The following RBFOX1 variants were observed in gnomAD, a reference collection of about 807,000 sequenced individuals.
The protein encoded by RBFOX1 is RNA binding fox-1 homolog 1, also known as RNA binding protein fox-1 homolog 1.
A neutral mutation model predicts 57.7 loss-of-function variants in RBFOX1; 8 were observed. The observed-to-expected ratio is 0.14, with a 90% CI of 0.08 to 0.25. The LOEUF is 0.25. Among genes scored for constraint, RBFOX1 ranks in the 10% least tolerant of loss-of-function variants. The pLI, the probability that RBFOX1 is intolerant of heterozygous loss-of-function variation, is 1.00. For synonymous variants in RBFOX1, 326 were observed against 222.4 expected (o/e 1.47, Z -4.15); for missense variants, 611 against 548.5 (o/e 1.11, Z -1.14).
intron 1 of RBFOX1, among the ~76,000 whole-genome samples, chr16:6,248,090 C>T (rs1407097356): frequency 2.6e-5 from 4 of 152,152 alleles, no homozygotes; most frequent in African/African-American, 7.2e-5. Context: ...TTTTAAAAGC[C>T]GTCTCTCTTT....
At chr16:7,083,945 G>C (rs938501998) in intron 4 of RBFOX1, among the ~76,000 whole-genome samples, 1 of 152,006 alleles carries the variant, frequency 6.6e-6, no homozygotes, top group Non-Finnish European at 1.5e-5. Flanking sequence ...CCATGCAGCT[G>C]TTTTTTTCCT....
At chr16:7,700,605 G>A (rs112275683) in intron 14 of RBFOX1, among the ~76,000 whole-genome samples, 172 of 152,332 alleles carry the variant, frequency 1.1e-3, no homozygotes, top group African/African-American at 4.0e-3. Context: ...TAGAGCAGGA[G>A]TAGACAAACA....
chr16:5,785,667 A>G (rs1192191294), intron 3 of RBFOX1, among the ~76,000 whole-genome samples: 2 of 152,030 alleles, frequency 1.3e-5, no homozygotes, highest in Non-Finnish European at 2.9e-5. Flanking sequence ...AGCTGGGATT[A>G]CAGGCATGCA....
intron 1 of RBFOX1, among the ~76,000 whole-genome samples, chr16:5,299,445 A>C (rs1296977797): frequency 6.6e-6 from 1 of 152,236 alleles, no homozygotes; most frequent in Admixed American, 6.5e-5. Flanking sequence ...TTTTAGGTAA[A>C]TGCTCAGGAG....
At chr16:7,271,533 G>C (rs914414607) in intron 4 of RBFOX1, among the ~76,000 whole-genome samples, 2 of 151,996 alleles carry the variant, frequency 1.3e-5, no homozygotes, top group Non-Finnish European at 2.9e-5. Flanking sequence ...TTTTTTTAAA[G>C]ATACGTGCAT....
intron 3 of RBFOX1, among the ~76,000 whole-genome samples, chr16:6,675,311 T>G (rs1463477793): frequency 6.6e-6 from 1 of 152,186 alleles, no homozygotes; most frequent in African/African-American, 2.4e-5. Context: ...GCTTTAGGTA[T>G]GCCTAAATGT....
At chr16:6,219,747 G>C (rs1487706161) in intron 1 of RBFOX1, among the ~76,000 whole-genome samples, 1 of 152,026 alleles carries the variant, frequency 6.6e-6, no homozygotes. Flanking sequence ...GTGGTGTTGG[G>C]TGCCAGTAAT....
At chr16:7,496,412 G>A (rs1483181165) in intron 4 of RBFOX1, among the ~76,000 whole-genome samples, 1 of 152,154 alleles carries the variant, frequency 6.6e-6, no homozygotes, top group Admixed American at 6.5e-5. Flanking sequence ...CAAAGTGTTG[G>A]GATTAGAGGG....
chr16:7,286,262 G>C (rs1350071087), intron 4 of RBFOX1, among the ~76,000 whole-genome samples: 1 of 151,990 alleles, frequency 6.6e-6, no homozygotes, highest in Non-Finnish European at 1.5e-5. Context: ...TATGATTTTG[G>C]TTGAAGGTGA....
chr16:6,768,697 A>G (rs766271278), intron 3 of RBFOX1, among the ~76,000 whole-genome samples: 4 of 140,800 alleles, frequency 2.8e-5, no homozygotes, highest in African/African-American at 9.1e-5. Flanking sequence ...ATATGTACCT[A>G]TATATATATA....
intron 3 of RBFOX1, among the ~76,000 whole-genome samples, chr16:6,914,352 A>G (rs961449080): frequency 3.3e-5 from 5 of 152,158 alleles, no homozygotes; most frequent in African/African-American, 1.2e-4. Context: ...CTTAAATTAC[A>G]GGGTCGGCTG....
At chr16:5,839,749 A>G (rs1184023246) in intron 3 of RBFOX1, among the ~76,000 whole-genome samples, 3 of 152,008 alleles carry the variant, frequency 2.0e-5, no homozygotes, top group African/African-American at 7.2e-5. Context: ...AGGCATCACA[A>G]CCTCCCACTG....
chr16:5,317,630 C>T (rs915316130), intron 1 of RBFOX1, among the ~76,000 whole-genome samples: 4 of 152,010 alleles, frequency 2.6e-5, no homozygotes, highest in East Asian at 3.9e-4. Flanking sequence ...CAAAAAAAAG[C>T]GAACAAAAAG....
In RBFOX1 at chr16:5,897,060, G is replaced by T. The variant is rs1477714425; in HGVS notation, c.351+29725G>T. ...TTTTTTTTTTTTGGGACGGAGTCTC[G>T]CTCTGTCGCCCAGGCCGGACTGCGG... On this transcript the variant is annotated intron_variant, in intron 4 of 19. Coordinates refer to the RBFOX1 transcript ENST00000641259. Among the ~76,000 whole-genome samples, 13 of 84,650 alleles carry T rather than the reference G, an allele frequency of 1.5e-4. No individual in the cohort carries two copies. In the South Asian group the frequency reaches 4.5e-3, roughly 29 times the overall value. 55.5% of individuals were successfully genotyped at this position (84,650 alleles called of 152,430 possible).
intron 4 of RBFOX1, among the ~76,000 whole-genome samples, chr16:7,246,947 C>T (rs953683388): frequency 3.3e-5 from 5 of 152,170 alleles, no homozygotes; most frequent in African/African-American, 1.2e-4. Flanking sequence ...GGGATGAGAA[C>T]AGTGTCTCCC....
At position 6,486,755 on chromosome 16, in the gene RBFOX1, G is replaced by A. The variant is rs532956053; in HGVS notation, c.-63-167848G>A. On this transcript the variant is annotated intron_variant, in intron 2 of 15. Coordinates refer to ENST00000550418, the MANE Select transcript of RBFOX1 (RefSeq NM_018723.4). ...AATCTTTGTTTGCATTTATGGGTATGCGTTTTTGCTCTTTTTGTTTTCTTT... is the reference window on the plus strand; with the variant it reads ...AATCTTTGTTTGCATTTATGGGTATACGTTTTTGCTCTTTTTGTTTTCTTT... Among the ~76,000 whole-genome samples the A allele has an allele frequency of 8.6e-5, 13 of 151,732 alleles. No homozygotes were observed. The East Asian group carries it at 1.7e-3, about 20-fold the overall frequency.
intron 2 of RBFOX1, among the ~76,000 whole-genome samples, chr16:6,397,686 A>G (rs2092898947): frequency 6.6e-6 from 1 of 152,212 alleles, no homozygotes; most frequent in South Asian, 2.1e-4. Flanking sequence ...GTAAAGAAAG[A>G]TGACATCACT....
chr16:5,370,869 G>C (rs2065840887), intron 1 of RBFOX1, among the ~76,000 whole-genome samples: 1 of 152,112 alleles, frequency 6.6e-6, no homozygotes, highest in Non-Finnish European at 1.5e-5. Flanking sequence ...GACTCCCCAG[G>C]ATCAAGACTA....
chr16:7,137,561 A>G (rs957963580), intron 4 of RBFOX1, among the ~76,000 whole-genome samples: 1 of 152,184 alleles, frequency 6.6e-6, no homozygotes, highest in Non-Finnish European at 1.5e-5. Flanking sequence ...CTGTGAGTCC[A>G]TTAAACCTCC....
Sources: gnomAD v4.1 joint callset for allele counts (sites outside exome capture counted in the v4.1 genomes callset) on GRCh38, gnomAD v4.1.1 for gene constraint, MANE v1.5 for transcripts, NCBI Gene and HGNC (gene_info 2026-07-23, HGNC 2026-07-21) for gene names.